Variants in NOVA2 observed in about 807,000 individuals in gnomAD.
NOVA2 encodes the protein NOVA alternative splicing regulator 2.
NOVA2 carries 9 observed loss-of-function variants against 22.5 expected under a neutral mutation model. The ratio of observed to expected loss-of-function variants is 0.40; its 90% CI spans 0.24 to 0.70. The LOEUF is 0.70. Among genes scored for constraint, NOVA2 ranks in the 30% least tolerant of loss-of-function variants. NOVA2 has a pLI of 0.38. For missense variants in NOVA2, 383 were observed against 682.8 expected, an observed-to-expected ratio of 0.56 and a Z score of 4.89; for synonymous variants, 318 against 335.2, an observed-to-expected ratio of 0.95 and a Z score of 0.56.
chr19:45,954,855 GGTGTGTGTGTGTGTGT>G (rs10598680), intron 2 of NOVA2, among the ~76,000 whole-genome samples: 3 of 144,694 alleles, frequency 2.1e-5, no homozygotes, highest in Non-Finnish European at 3.0e-5. Context: ...GCTGGTGAGT[GGTGTGTGTGTGTGTGT>G]GTGTGTGTGT....
chr19:45,948,928 A>T (rs146077176), intron 3 of NOVA2, among the ~76,000 whole-genome samples: 174 of 152,364 alleles, frequency 1.1e-3, no homozygotes, highest in African/African-American at 4.0e-3. Context: ...TGGTCTATGC[A>T]TACAATGAAA....
intron 1 of NOVA2, among the ~76,000 whole-genome samples, chr19:45,966,749 T>C (rs1280912152): frequency 6.6e-6 from 1 of 152,148 alleles, no homozygotes; most frequent in Non-Finnish European, 1.5e-5. Flanking sequence ...TGGAGGCACA[T>C]GCCTGTAATC....
At chr19:45,943,345 C>T (rs966383864) in intron 3 of NOVA2, among the ~76,000 whole-genome samples, 7 of 151,390 alleles carry the variant, frequency 4.6e-5, no homozygotes, top group African/African-American at 1.5e-4. Flanking sequence ...TGTGAGCCAC[C>T]GCACCCAGAC....
chr19:45,968,048 GT>G, intron 1 of NOVA2: 1 of 152,128 alleles, frequency 6.6e-6, no homozygotes, highest in African/African-American at 2.4e-5. Flanking sequence ...GCCTATTTTA[GT>G]GTCAGAGAGT....
chr19:45,957,832 C>T lies in NOVA2; in HGVS notation c.229+3178G>A, dbSNP rs566388679. The stretch of plus-strand genomic sequence containing the variant: ...TTTTAGAATCCCTAGGGTGGCCGGT[C>T]GCGGTGGCTCAAGCCTAGCACTTTG... On this transcript the variant is annotated intron_variant, in intron 2 of 3. Coordinates refer to ENST00000263257, the MANE Select transcript of NOVA2 (RefSeq NM_002516.4). Among the ~76,000 whole-genome samples the T allele has an allele frequency of 3.6e-4, 54 of 152,056 alleles. 1 individual carries two copies. The highest frequency in any genetic ancestry group is 6.6e-4 in the Non-Finnish European group (45 of 68,004).
At chr19:45,952,967 G>GC (rs1967948213) in intron 3 of NOVA2, among the ~76,000 whole-genome samples, 1 of 152,204 alleles carries the variant, frequency 6.6e-6, no homozygotes, top group South Asian at 2.1e-4. Context: ...ACGAGCCCTC[G>GC]CAAGGGGCCC....
At chr19:45,962,391 G>A (rs1968108964) in intron 1 of NOVA2, 1 of 152,742 alleles carries the variant, frequency 6.5e-6, no homozygotes. Context: ...GAGGCACAGA[G>A]GGGCACAGAG....
intron 3 of NOVA2, among the ~76,000 whole-genome samples, chr19:45,941,309 A>AATATATATATATATATATATAT (rs4039577): frequency 3.4e-4 from 44 of 129,798 alleles, no homozygotes; most frequent in African/African-American, 1.1e-3. Context: ...AAAATAAAAT[A>AATATATATATATATATATATAT]ATATATATAT....
In NOVA2 at chr19:45,938,961, G is replaced by C. The variant is rs1015892729; in HGVS notation, c.*902C>G. ...TCACAGGAAGTACCTGCTCCCTTAT[G>C]TTCACAGGAAGTAACCTCTGAGGAA... is the stretch of plus-strand genomic sequence containing the variant. On this transcript the variant is annotated 3_prime_UTR_variant, in exon 4 of 4. Transcript: ENST00000263257. The C allele has an allele frequency of 2.0e-5, 3 of 152,208 alleles. No homozygotes were observed. Among genetic ancestry groups the C allele is most frequent in the Non-Finnish European group, 2.9e-5 (2 of 68,038 alleles). The allele number at this position is 152,208 out of a possible 1,614,324, so 9.4% of individuals were successfully genotyped here.
chr19:45,944,366 C>A (rs1354081298), intron 3 of NOVA2, among the ~76,000 whole-genome samples: 1 of 151,986 alleles, frequency 6.6e-6, no homozygotes, highest in Non-Finnish European at 1.5e-5. Context: ...CACTTGAGCC[C>A]AGGAGGTTGA....
chr19:45,935,974 C>G lies in NOVA2; in HGVS notation c.*3889G>C, dbSNP rs1213554639. 1.3e-5 allele frequency: 2 copies of G among 152,206 alleles called. No homozygotes were observed. Among genetic ancestry groups the G allele is most frequent in the East Asian group, 3.8e-4 (2 of 5,198 alleles). 9.4% of individuals were successfully genotyped at this position (152,206 alleles called of 1,614,324 possible). On this transcript the variant is annotated 3_prime_UTR_variant, in exon 4 of 4. Coordinates refer to ENST00000263257, the MANE Select transcript of NOVA2 (RefSeq NM_002516.4). The stretch of plus-strand genomic sequence containing the variant: ...TTCCCAACTACAAGTCCAGGGTAGG[C>G]GTTAGGGCAGATAGAAACGGCAAAA...
chr19:45,958,696 AG>A (rs1211999802), intron 2 of NOVA2, among the ~76,000 whole-genome samples: 3 of 152,096 alleles, frequency 2.0e-5, no homozygotes, highest in African/African-American at 7.2e-5. Flanking sequence ...CTAACCTACT[AG>A]GCCCAGAGTG....
intron 1 of NOVA2, among the ~76,000 whole-genome samples, chr19:45,961,996 G>C (rs1968102778): frequency 6.6e-6 from 1 of 152,186 alleles, no homozygotes; most frequent in Admixed American, 6.5e-5. Context: ...CTGGTGGTGA[G>C]GGGTGATGGG....
rs1163632508 is a variant in NOVA2 at position 45,939,305 on chromosome 19, T to G, written c.*558A>C. 1.3e-5 allele frequency: 2 copies of G among 152,228 alleles called. No individual in the cohort carries two copies. Among genetic ancestry groups the G allele is most frequent in the East Asian group, 3.9e-4 (2 of 5,156 alleles). The allele number at this position is 152,228 out of a possible 1,614,324, so 9.4% of individuals were successfully genotyped here. A position where few individuals can be genotyped will look rare whatever the true frequency, so the allele number is the denominator to read the frequency against. ...GGGTCCTTGCTCCAAATGCCCCATT[T>G]CAGCTCAGACGCCTCTGCTACCTCT... On this transcript the variant is annotated 3_prime_UTR_variant, in exon 4 of 4. Transcript: ENST00000263257.
rs1222074024 is a variant in NOVA2 at position 45,940,244 on chromosome 19, G to C, written c.1098C>G (p.Leu366=). The change falls in exon 4 of 4, where the codon CTC becomes CTG. Residue 366 remains leucine, a synonymous_variant. Coordinates refer to ENST00000263257, the MANE Select transcript of NOVA2 (RefSeq NM_002516.4). ...CCGCCCCGCCGCCCGCCCCGGCCCC[G>C]AGGTAGCCGTTGGCGGCTGCGGCCA... ...FALAAAANGY[L]GAGAGGGAGG... is the part of the protein sequence containing the mutation. 3 of 1,088,514 alleles carry C rather than the reference G, an allele frequency of 2.8e-6. No individual in the cohort carries two copies. The highest frequency in any genetic ancestry group is 2.2e-6 in the Non-Finnish European group (2 of 900,292). 67.4% of individuals were successfully genotyped at this position (1,088,514 alleles called of 1,614,324 possible).
intron 2 of NOVA2, among the ~76,000 whole-genome samples, chr19:45,960,204 G>A (rs1269327339): frequency 6.6e-6 from 1 of 151,752 alleles, no homozygotes; most frequent in Non-Finnish European, 1.5e-5. Context: ...GGAAGGGAGA[G>A]GCAGAAAGAA....
At chr19:45,941,044 C>G (rs1435289025) in intron 3 of NOVA2, 99 bp from the exon 4 acceptor site, 1 of 1,143,514 alleles carries the variant, frequency 8.7e-7, no homozygotes, top group Non-Finnish European at 1.2e-6. Flanking sequence ...AATCCCAGCA[C>G]TTTGGGGGGC....
chr19:45,956,586 A>G (rs566465550), intron 2 of NOVA2, among the ~76,000 whole-genome samples: 3 of 151,972 alleles, frequency 2.0e-5, no homozygotes, highest in East Asian at 1.9e-4. Flanking sequence ...TCTCATGCCT[A>G]AGCCTCCTGA....
At position 45,940,182 on chromosome 19, in the gene NOVA2, G is replaced by T. The variant is rs1326794920; in HGVS notation, c.1160C>A (p.Ala387Glu). Residue 387 changes from alanine to glutamate, a missense_variant, in exon 4 of 4, where the codon GCG becomes GAG. Ala to Glu is a moderately radical substitution (Grantham distance 107, BLOSUM62 -1). Coordinates refer to ENST00000263257, the MANE Select transcript of NOVA2 (RefSeq NM_002516.4). ...CAGGAAGCCCCCGGCCGCCCCGGCC[G>T]CGGCTGCAGCGGCCACCAGCGGGCC... ...GGGPLVAAAA[A>E]AGAAGGFLTA... 6.3e-7 allele frequency: 1 copy of T among 1,575,482 alleles called. No homozygotes were observed. Among genetic ancestry groups the T allele is most frequent in the Non-Finnish European group, 8.6e-7 (1 of 1,167,318 alleles).
Sources: gnomAD v4.1 joint callset for allele counts (sites outside exome capture counted in the v4.1 genomes callset) on GRCh38, gnomAD v4.1.1 for gene constraint, MANE v1.5 for transcripts, NCBI Gene and HGNC (gene_info 2026-07-23, HGNC 2026-07-21) for gene names.